SYTL2: variants seen among roughly 807,000 people sequenced by gnomAD.
SYTL2 encodes the protein synaptotagmin like 2.
SYTL2 carries 165 observed loss-of-function variants against 198.7 expected under a neutral mutation model. The observed-to-expected ratio is 0.83, with a 90% CI of 0.73 to 0.94. The LOEUF (loss-of-function observed/expected upper bound fraction) is 0.94, where lower values mean the gene tolerates loss of function less well. Among genes scored for constraint, SYTL2 ranks in the 40% least tolerant of loss-of-function variants. SYTL2 has a pLI of 0.00. For missense variants in SYTL2, 2,835 were observed against 2,582.8 expected, an observed-to-expected ratio of 1.10 and a Z score of -2.12; for synonymous variants, 966 against 917.7, an observed-to-expected ratio of 1.05 and a Z score of -0.95.
chr11:85,844,873 G>C, the SYTL2 span, among the ~76,000 whole-genome samples: 2 of 151,986 alleles, frequency 1.3e-5, no homozygotes, highest in African/African-American at 4.8e-5. Flanking sequence ...TGGCTCAGAG[G>C]ACCCGCCATG....
intron 18 of SYTL2, among the ~76,000 whole-genome samples, chr11:85,697,568 GTC>G (rs1210034711): frequency 2.0e-5 from 3 of 152,206 alleles, no homozygotes; most frequent in Non-Finnish European, 4.4e-5. Flanking sequence ...AATATCTGCA[GTC>G]TCATACAATG....
intron 4 of SYTL2, 88 bp from the exon 5 acceptor site, chr11:85,737,744 G>A (rs2090466309): frequency 2.9e-6 from 3 of 1,050,434 alleles, no homozygotes; most frequent in Non-Finnish European, 1.4e-6. Context: ...CTATCAGCAG[G>A]CTAGGAGAGG....
At chr11:85,789,563 T>C (rs1357083054) in intron 1 of SYTL2, among the ~76,000 whole-genome samples, 2 of 151,066 alleles carry the variant, frequency 1.3e-5, no homozygotes, top group East Asian at 3.9e-4. Flanking sequence ...GCCTTATCAG[T>C]TTTATTCTCT....
intron 1 of SYTL2, among the ~76,000 whole-genome samples, chr11:85,796,078 T>C (rs1261980970): frequency 2.0e-5 from 3 of 152,226 alleles, no homozygotes; most frequent in Non-Finnish European, 4.4e-5. Context: ...CTAATGATTA[T>C]TATTTTATGA....
intron 1 of SYTL2, among the ~76,000 whole-genome samples, chr11:85,769,609 A>C (rs1051694912): frequency 6.6e-6 from 1 of 152,236 alleles, no homozygotes; most frequent in African/African-American, 2.4e-5. Context: ...ATTAATACAC[A>C]GTCTGAGGAC....
At chr11:85,847,991 C>T in the SYTL2 span, among the ~76,000 whole-genome samples, 1 of 152,118 alleles carries the variant, frequency 6.6e-6, no homozygotes, top group Non-Finnish European at 1.5e-5. Flanking sequence ...CTTTGGGAGG[C>T]TAAGGCGGGA....
intron 1 of SYTL2, among the ~76,000 whole-genome samples, chr11:85,807,449 T>G (rs956971268): frequency 7.2e-5 from 11 of 152,166 alleles, no homozygotes; most frequent in Admixed American, 2.0e-4. Context: ...TAACAAACAA[T>G]AACACCTGAC....
At chr11:85,819,501 C>T in the SYTL2 span, among the ~76,000 whole-genome samples, 2 of 152,214 alleles carry the variant, frequency 1.3e-5, no homozygotes, top group African/African-American at 4.8e-5. Flanking sequence ...GGCCTCTGCC[C>T]ACATGGCCTC....
intron 17 of SYTL2, among the ~76,000 whole-genome samples, chr11:85,698,737 T>C (rs1433029519): frequency 6.6e-6 from 1 of 152,148 alleles, no homozygotes; most frequent in Non-Finnish European, 1.5e-5. Flanking sequence ...CAGAGTTTCG[T>C]CATGTTGCCC....
At position 85,761,490 on chromosome 11, in the gene SYTL2, G is replaced by A. The variant is rs562501463; in HGVS notation, c.-389-3376C>T. ...GAGGAGAGGAGGCCGGAAAGGACAC[G>A]GGTAAGACTGTATTAGGCCTTGTGA... On this transcript the variant is annotated intron_variant, in intron 1 of 19. Coordinates refer to ENST00000359152, the MANE Select transcript of SYTL2 (RefSeq NM_206927.4). 7.9e-5 allele frequency among the ~76,000 whole-genome samples: 12 copies of A among 152,284 alleles called. No individual in the cohort carries two copies. In the South Asian group the frequency reaches 1.7e-3, roughly 21 times the overall value.
At chr11:85,844,994 C>T in the SYTL2 span, among the ~76,000 whole-genome samples, 1 of 152,286 alleles carries the variant, frequency 6.6e-6, no homozygotes, top group South Asian at 2.1e-4. Flanking sequence ...TCATCATTTT[C>T]GTTTTTACCT....
chr11:85,791,093 A>G (rs2153626598), intron 1 of SYTL2, among the ~76,000 whole-genome samples: 1 of 137,766 alleles, frequency 7.3e-6, no homozygotes, highest in East Asian at 2.4e-4. Context: ...CTTGAACCCC[A>G]GAGACGGAGG....
chr11:85,783,166 T>C (rs755055697), intron 1 of SYTL2, among the ~76,000 whole-genome samples: 6 of 152,226 alleles, frequency 3.9e-5, no homozygotes, highest in Non-Finnish European at 7.3e-5. Context: ...CAGTTCCATG[T>C]GGCTGGGGAG....
the SYTL2 span, among the ~76,000 whole-genome samples, chr11:85,833,048 AAAG>A: frequency 3.3e-5 from 1 of 30,472 alleles, no homozygotes; most frequent in Non-Finnish European, 6.6e-5. Context: ...AGAAAGAAAG[AAAG>A]AAAGAAAGAA....
intron 16 of SYTL2, among the ~76,000 whole-genome samples, chr11:85,703,957 T>C (rs1318345998): frequency 6.6e-6 from 1 of 151,910 alleles, no homozygotes; most frequent in Non-Finnish European, 1.5e-5. Context: ...GACTGACATA[T>C]TAAGAGAGAG....
chr11:85,846,473 G>A, the SYTL2 span, among the ~76,000 whole-genome samples: 1 of 152,148 alleles, frequency 6.6e-6, no homozygotes, highest in Non-Finnish European at 1.5e-5. Flanking sequence ...TTGTTACCCA[G>A]GCTGGAGTAC....
At position 85,726,682 on chromosome 11, in the gene SYTL2, A is replaced by G; in HGVS notation, c.2676T>C (p.Leu892=). ...ACACTTTATCTGATTGCTCAGCTGA[A>G]AGATAGTATCTGGATGGACCTGCTA... ...PQIAGPSRYY[L]SAEQSDKVSL... Residue 892 remains leucine, a synonymous_variant, in exon 8 of 20, where the codon CTT becomes CTC. Coordinates refer to ENST00000359152, the MANE Select transcript of SYTL2 (RefSeq NM_206927.4). 2 of 1,536,388 alleles carry G rather than the reference A, an allele frequency of 1.3e-6. No homozygotes were observed. The highest frequency in any genetic ancestry group is 8.7e-7 in the Non-Finnish European group (1 of 1,146,916).
intron 12 of SYTL2, among the ~76,000 whole-genome samples, chr11:85,714,173 C>T (rs1302407548): frequency 1.3e-5 from 2 of 152,234 alleles, no homozygotes; most frequent in Non-Finnish European, 2.9e-5. Flanking sequence ...ACAAAAGTCA[C>T]ATTCCCAAAT....
intron 1 of SYTL2, among the ~76,000 whole-genome samples, chr11:85,767,202 T>A (rs959595996): frequency 6.6e-6 from 1 of 152,190 alleles, no homozygotes; most frequent in African/African-American, 2.4e-5. Context: ...GGATGAGGAA[T>A]CTGTGATGAA....
Sources: gnomAD v4.1 joint callset for allele counts (sites outside exome capture counted in the v4.1 genomes callset) on GRCh38, gnomAD v4.1.1 for gene constraint, MANE v1.5 for transcripts, NCBI Gene and HGNC (gene_info 2026-07-23, HGNC 2026-07-21) for gene names.